The following MALRD1 variants were observed in gnomAD, a reference collection of about 807,000 sequenced individuals.
MALRD1 encodes the protein MAM and LDL-receptor class A domain-containing protein 1.
Under a neutral mutation model 242.1 loss-of-function variants are expected in MALRD1, and 247 were observed. That is an observed-to-expected ratio of 1.02 (90% CI 0.92 to 1.13). The LOEUF is 1.13. Among genes scored for constraint, MALRD1 ranks in the 50% most tolerant of loss-of-function variants. The pLI, the probability that MALRD1 is intolerant of heterozygous loss-of-function variation, is 0.00. For synonymous variants in MALRD1, 995 were observed against 866.6 expected (o/e 1.15, Z -2.60); for missense variants, 2,989 against 2,533.1 (o/e 1.18, Z -3.86).
At chr10:19,342,301 T>G (rs1270426985) in intron 24 of MALRD1, among the ~76,000 whole-genome samples, 1 of 152,088 alleles carries the variant, frequency 6.6e-6, no homozygotes, top group African/African-American at 2.4e-5. Flanking sequence ...CAATAACCAT[T>G]TAAAATCTAA....
intron 18 of MALRD1, among the ~76,000 whole-genome samples, chr10:19,226,947 G>A (rs1468434648): frequency 2.0e-5 from 3 of 151,814 alleles, no homozygotes; most frequent in African/African-American, 7.2e-5. Flanking sequence ...AAATAATTCA[G>A]AATAAATTTA....
chr10:19,705,147 A>G (rs547946292), intron 38 of MALRD1, among the ~76,000 whole-genome samples: 3 of 152,288 alleles, frequency 2.0e-5, no homozygotes, highest in East Asian at 1.9e-4. Flanking sequence ...TCTCACTGCA[A>G]ACATTTGTAT....
intron 31 of MALRD1, among the ~76,000 whole-genome samples, chr10:19,515,087 A>T (rs1267795528): frequency 6.6e-6 from 1 of 152,014 alleles, no homozygotes; most frequent in Non-Finnish European, 1.5e-5. Flanking sequence ...AGGACAAAAA[A>T]AAAAATCTTT....
rs144370989 is a variant in MALRD1 at position 19,363,934 on chromosome 10, G to A, written c.4441+11637G>A. 5.3e-5 allele frequency among the ~76,000 whole-genome samples: 8 copies of A among 152,182 alleles called. No homozygotes were observed. In the East Asian group the frequency reaches 7.7e-4, roughly 15 times the overall value. ...ATATGCAACCAGGGTGGAAAATATTGCATTGCATTGCAGTAAAAAAGAGAC... is the reference window on the plus strand; with the variant it reads ...ATATGCAACCAGGGTGGAAAATATTACATTGCATTGCAGTAAAAAAGAGAC... On this transcript the variant is annotated intron_variant, in intron 26 of 39. Coordinates refer to ENST00000454679, the MANE Select transcript of MALRD1 (RefSeq NM_001142308.3).
intron 2 of MALRD1, among the ~76,000 whole-genome samples, 163 bp downstream of exon 2, chr10:19,067,022 A>G (rs1175555929): frequency 6.6e-6 from 1 of 152,118 alleles, no homozygotes; most frequent in Non-Finnish European, 1.5e-5. Flanking sequence ...TGTAGTTAAA[A>G]TGTCTAATTT....
intron 28 of MALRD1, among the ~76,000 whole-genome samples, chr10:19,418,039 A>G (rs1424768122): frequency 6.6e-6 from 1 of 152,114 alleles, no homozygotes; most frequent in Non-Finnish European, 1.5e-5. Context: ...AAGGAAAACA[A>G]ATTTATCTAA....
intron 28 of MALRD1, among the ~76,000 whole-genome samples, chr10:19,448,783 T>C (rs909761513): frequency 6.6e-6 from 1 of 151,940 alleles, no homozygotes; most frequent in Non-Finnish European, 1.5e-5. Context: ...TTGTTACTTA[T>C]ATAATAATTA....
At chr10:19,513,615 T>C (rs1446798483) in intron 31 of MALRD1, among the ~76,000 whole-genome samples, 1 of 151,940 alleles carries the variant, frequency 6.6e-6, no homozygotes, top group Non-Finnish European at 1.5e-5. Context: ...AGCGGGTGCC[T>C]GTAGCCCCAG....
intron 2 of MALRD1, among the ~76,000 whole-genome samples, chr10:19,073,162 A>C (rs1189223481): frequency 6.6e-6 from 1 of 151,980 alleles, no homozygotes; most frequent in Non-Finnish European, 1.5e-5. Context: ...TGATCTGCCC[A>C]CCTTGGCCTC....
At chr10:19,153,863 G>A (rs887045034) in intron 11 of MALRD1, among the ~76,000 whole-genome samples, 2 of 141,106 alleles carry the variant, frequency 1.4e-5, no homozygotes, top group African/African-American at 2.5e-5. Flanking sequence ...TCTCACCTTC[G>A]TTAACCTCTT....
At chr10:19,111,123 G>T (rs1322417695) in intron 5 of MALRD1, among the ~76,000 whole-genome samples, 1 of 148,110 alleles carries the variant, frequency 6.8e-6, no homozygotes, top group East Asian at 2.0e-4. Context: ...TATATACTGG[G>T]ACAAAGACCA....
At chr10:19,249,196 G>A (rs184204049) in intron 18 of MALRD1, among the ~76,000 whole-genome samples, 18 of 151,404 alleles carry the variant, frequency 1.2e-4, no homozygotes, top group African/African-American at 4.1e-4. Context: ...GAAGATTGAA[G>A]GAAAGGACTT....
intron 31 of MALRD1, among the ~76,000 whole-genome samples, chr10:19,526,728 T>C (rs957571236): frequency 1.3e-5 from 2 of 152,160 alleles, no homozygotes; most frequent in Non-Finnish European, 2.9e-5. Context: ...TGACATTGAT[T>C]GTCCTGTGCC....
intron 21 of MALRD1, among the ~76,000 whole-genome samples, chr10:19,290,648 A>T (rs1841373119): frequency 6.6e-6 from 1 of 152,164 alleles, no homozygotes; most frequent in Non-Finnish European, 1.5e-5. Flanking sequence ...ATCATAATCT[A>T]GTATTAAATA....
intron 26 of MALRD1, among the ~76,000 whole-genome samples, chr10:19,385,803 G>T (rs1306784070): frequency 2.0e-5 from 3 of 151,698 alleles, no homozygotes; most frequent in Admixed American, 6.6e-5. Context: ...CTAGTTTTCT[G>T]TCAAATAAAG....
Position 19,467,287 on chromosome 10 carries a change from G to A in MALRD1, c.5029+16797G>A, listed in dbSNP as rs574643653. On this transcript the variant is annotated intron_variant, in intron 29 of 39. Transcript: ENST00000454679. ...GGAGAATGGCGTGAACCCGGGAGGC[G>A]GAGCTTGCAGTGAGCCGAGATCGCG... Among the ~76,000 whole-genome samples, 27 of 147,238 alleles carry A rather than the reference G, an allele frequency of 1.8e-4. No homozygotes were observed. In the South Asian group the frequency reaches 4.5e-3, roughly 25 times the overall value.
chr10:19,165,734 G>T lies in MALRD1; in HGVS notation c.1754G>T (p.Arg585Ile). The T allele has an allele frequency of 8.1e-7, 1 of 1,231,656 alleles. No individual in the cohort carries two copies. The highest frequency in any genetic ancestry group is 1.0e-6 in the Non-Finnish European group (1 of 987,946). 76.3% of individuals were successfully genotyped at this position (1,231,656 alleles called of 1,614,324 possible). ...GNLQKQGKIIRFSESQWSHAK... is the reference protein window; with the variant it reads ...GNLQKQGKIIIFSESQWSHAK... Reference sequence around the variant, plus strand: ...TTGCAAAAGCAGGGCAAAATAATCAGATTCTCCGAATCTCAGTGGAGCCAC... The same window carrying T: ...TTGCAAAAGCAGGGCAAAATAATCATATTCTCCGAATCTCAGTGGAGCCAC... The change falls in exon 13 of 40, where the codon AGA (arginine) becomes ATA (isoleucine). Residue 585 changes from arginine (R) to isoleucine (I), a missense_variant. Transcript: ENST00000454679.
chr10:19,172,831 C>A (rs755743039), intron 13 of MALRD1, among the ~76,000 whole-genome samples: 2 of 151,550 alleles, frequency 1.3e-5, no homozygotes, highest in Non-Finnish European at 2.9e-5. Flanking sequence ...GTTAAGCTGT[C>A]CAAAAAAATC....
At chr10:19,602,234 C>T (rs1162327035) in intron 34 of MALRD1, among the ~76,000 whole-genome samples, 2 of 139,462 alleles carry the variant, frequency 1.4e-5, no homozygotes, top group Admixed American at 7.6e-5. Context: ...CTGGGGTGCA[C>T]GTGCACAACG....
Sources: gnomAD v4.1 joint callset for allele counts (sites outside exome capture counted in the v4.1 genomes callset) on GRCh38, gnomAD v4.1.1 for gene constraint, MANE v1.5 for transcripts, NCBI Gene and HGNC (gene_info 2026-07-23, HGNC 2026-07-21) for gene names.